The following TAF4B variants were observed in gnomAD, a reference collection of about 807,000 sequenced individuals.
TAF4B encodes TATA-box binding protein associated factor 4b, also known as transcription initiation factor TFIID subunit 4B.
Under a neutral mutation model 86.4 loss-of-function variants are expected in TAF4B, and 38 were observed. The ratio of observed to expected loss-of-function variants is 0.44; its 90% CI spans 0.34 to 0.58. TAF4B has a LOEUF of 0.58. Ranked by LOEUF, TAF4B falls within the 20% of genes least tolerant of loss-of-function variation. TAF4B has a pLI of 0.02. For synonymous variants in TAF4B, 388 were observed against 391.2 expected (o/e 0.99, Z 0.10); for missense variants, 988 against 1,027.6 (o/e 0.96, Z 0.53).
In TAF4B at chr18:26,369,987, G is replaced by T. The variant is rs1359664142; in HGVS notation, c.2421+12193G>T. Among the ~76,000 whole-genome samples, 4 of 152,162 alleles carry T rather than the reference G, an allele frequency of 2.6e-5. No individual in the cohort carries two copies. In the East Asian group the frequency reaches 5.8e-4, roughly 22 times the overall value. On this transcript the variant is annotated intron_variant, in intron 14 of 14. Transcript: ENST00000269142. ...CTCTAGTGGTAAAAGGGACACTGGTGGTCCGTGGCATACAGTGGCAAAACT... is the reference window on the plus strand; with the variant it reads ...CTCTAGTGGTAAAAGGGACACTGGTTGTCCGTGGCATACAGTGGCAAAACT...
intron 5 of TAF4B, among the ~76,000 whole-genome samples, chr18:26,275,487 A>G (rs1265524627): frequency 1.3e-5 from 2 of 152,160 alleles, no homozygotes; most frequent in Non-Finnish European, 2.9e-5. Flanking sequence ...TTCTTGATAA[A>G]TTTTGTTTTT....
At chr18:26,287,936 C>T (rs1407916058) in intron 7 of TAF4B, among the ~76,000 whole-genome samples, 1 of 152,196 alleles carries the variant, frequency 6.6e-6, no homozygotes, top group African/African-American at 2.4e-5. Context: ...CACTCTGCAT[C>T]TCATTTTCAA....
rs776976703 is a variant in TAF4B, at chr18:26,285,222, G to GTTTTTTTTTTTT, written c.973-657_973-646dup. 3.7e-3 allele frequency among the ~76,000 whole-genome samples: 170 copies of GTTTTTTTTTTTT among 45,496 alleles called. 4 individuals carry two copies. Among genetic ancestry groups the GTTTTTTTTTTTT allele is most frequent in the East Asian group, 4.4e-3 (4 of 904 alleles). The allele number at this position is 45,496 out of a possible 152,430, so 29.8% of individuals were successfully genotyped here. A position where few individuals can be genotyped will look rare whatever the true frequency, so the allele number is the denominator to read the frequency against. On this transcript the variant is annotated intron_variant, in intron 6 of 14. Coordinates refer to ENST00000269142, the MANE Select transcript of TAF4B (RefSeq NM_005640.3). Reference sequence around the variant, plus strand: ...ATTTCTTCCTTTCCTTTTTTTTTTTGTTTTTTTTTTTTTTGGAGATGGGGT... The same window carrying GTTTTTTTTTTTT: ...ATTTCTTCCTTTCCTTTTTTTTTTTGTTTTTTTTTTTTTTTTTTTTTTTTTTGGAGATGGGGT...
intron 9 of TAF4B, among the ~76,000 whole-genome samples, chr18:26,302,217 AT>A (rs1411642443): frequency 2.0e-5 from 3 of 151,938 alleles, no homozygotes; most frequent in African/African-American, 7.2e-5. Context: ...CTTTTATGGT[AT>A]ATTTTGATGA....
chr18:26,269,756 G>A (rs1449446410), intron 3 of TAF4B, among the ~76,000 whole-genome samples: 1 of 152,114 alleles, frequency 6.6e-6, no homozygotes, highest in Non-Finnish European at 1.5e-5. Flanking sequence ...ATAAGGAAGT[G>A]TTATCTCTAT....
At chr18:26,338,539 C>T (rs1209159617) in intron 13 of TAF4B, among the ~76,000 whole-genome samples, 2 of 129,650 alleles carry the variant, frequency 1.5e-5, no homozygotes, top group Admixed American at 1.9e-4. Flanking sequence ...AGTGCAATGG[C>T]ACGATCTCGG....
chr18:26,281,283 T>C (rs2056445963), intron 5 of TAF4B, among the ~76,000 whole-genome samples: 1 of 151,982 alleles, frequency 6.6e-6, no homozygotes, highest in Admixed American at 6.6e-5. Flanking sequence ...TTTTTTTTAA[T>C]CTAAGATCAT....
chr18:26,265,146 C>T (rs938270193), intron 1 of TAF4B, 24 bp from the exon 2 acceptor site: 2 of 1,599,160 alleles, frequency 1.3e-6, no homozygotes, highest in Admixed American at 1.8e-5. Flanking sequence ...TCAGAGGTCA[C>T]TTTTTTTTCT....
At chr18:26,384,908 A>C (rs1334538291) in intron 14 of TAF4B, among the ~76,000 whole-genome samples, 1 of 152,238 alleles carries the variant, frequency 6.6e-6, no homozygotes, top group Non-Finnish European at 1.5e-5. Context: ...GTTTGCCACC[A>C]TTCAGTTCTG....
chr18:26,248,832 T>C (rs1309248997), intron 1 of TAF4B, among the ~76,000 whole-genome samples: 1 of 125,136 alleles, frequency 8.0e-6, no homozygotes, highest in African/African-American at 2.9e-5. Context: ...GCCCCTAATC[T>C]CCTTTTTAAA....
chr18:26,306,621 ATATT>A (rs1168131857), intron 9 of TAF4B, among the ~76,000 whole-genome samples: 1 of 152,092 alleles, frequency 6.6e-6, no homozygotes, highest in East Asian at 1.9e-4. Flanking sequence ...TATTTCTTAG[ATATT>A]TTTGTACAAA....
At chr18:26,266,705 C>G (rs1415197000) in intron 2 of TAF4B, 1 of 151,866 alleles carries the variant, frequency 6.6e-6, no homozygotes, top group Non-Finnish European at 1.5e-5. Flanking sequence ...ACTAAAAATA[C>G]AAAAAAATTA....
At chr18:26,362,938 T>TA (rs1189373225) in intron 14 of TAF4B, among the ~76,000 whole-genome samples, 1 of 152,206 alleles carries the variant, frequency 6.6e-6, no homozygotes, top group African/African-American at 2.4e-5. Flanking sequence ...AATACAGTAT[T>TA]ACACTATTTA....
chr18:26,333,611 G>A (rs145311008), intron 12 of TAF4B, among the ~76,000 whole-genome samples: 1,527 of 152,078 alleles, frequency 0.01, 17 homozygotes, highest in Middle Eastern at 0.034. Context: ...GGCTGGTCTC[G>A]AACTTGAGCT....
At chr18:26,346,739 ATATATATATATATATGTGTG>A (rs1235152202) in intron 13 of TAF4B, among the ~76,000 whole-genome samples, 2,890 of 59,490 alleles carry the variant, frequency 0.049, 293 homozygotes, top group East Asian at 0.12. Flanking sequence ...CTAGCCAAGA[ATATATATATATATATGTGTG>A]TATATATATA....
At chr18:26,294,327 G>A (rs993730705) in intron 9 of TAF4B, among the ~76,000 whole-genome samples, 1 of 151,946 alleles carries the variant, frequency 6.6e-6, no homozygotes, top group Non-Finnish European at 1.5e-5. Context: ...TTTAATAGGT[G>A]TATAAGTGGT....
intron 13 of TAF4B, among the ~76,000 whole-genome samples, chr18:26,353,610 G>A (rs973959259): frequency 2.6e-5 from 4 of 152,228 alleles, no homozygotes; most frequent in African/African-American, 7.2e-5. Context: ...TCCTGAGGCT[G>A]ATAAAGGATA....
At chr18:26,383,649 A>G (rs1323336291) in intron 14 of TAF4B, among the ~76,000 whole-genome samples, 2 of 152,206 alleles carry the variant, frequency 1.3e-5, no homozygotes, top group African/African-American at 2.4e-5. Context: ...TATTATCTCT[A>G]TAGCTCTCAT....
intron 9 of TAF4B, among the ~76,000 whole-genome samples, chr18:26,305,248 T>A (rs992164508): frequency 2.0e-5 from 3 of 152,206 alleles, no homozygotes; most frequent in Non-Finnish European, 4.4e-5. Context: ...TTTGTAAATG[T>A]GTGAGGCAGA....
Sources: gnomAD v4.1 joint callset for allele counts (sites outside exome capture counted in the v4.1 genomes callset) on GRCh38, gnomAD v4.1.1 for gene constraint, MANE v1.5 for transcripts, NCBI Gene and HGNC (gene_info 2026-07-23, HGNC 2026-07-21) for gene names.